The following L3MBTL4 variants were observed in gnomAD, a reference collection of about 807,000 sequenced individuals.
L3MBTL4 encodes the protein lethal(3)malignant brain tumor-like protein 4.
L3MBTL4 carries 70 observed loss-of-function variants against 84.5 expected under a neutral mutation model. The observed-to-expected ratio is 0.83, with a 90% confidence interval of 0.68 to 1.01. L3MBTL4 has a LOEUF of 1.01. Ranked by LOEUF, L3MBTL4 falls within the 50% of genes least tolerant of loss-of-function variation. The pLI is 0.00. For synonymous variants in L3MBTL4, 274 were observed against 259.8 expected, an observed-to-expected ratio of 1.05 and a Z score of -0.52; for missense variants, 715 against 754.8, an observed-to-expected ratio of 0.95 and a Z score of 0.62.
chr18:6,319,449 AT>A (rs2051291163), intron 1 of L3MBTL4, among the ~76,000 whole-genome samples: 1 of 152,132 alleles, frequency 6.6e-6, no homozygotes, highest in South Asian at 2.1e-4. Context: ...AAATGATGAC[AT>A]TACGACCAAA....
intron 14 of L3MBTL4, among the ~76,000 whole-genome samples, chr18:6,120,982 G>A (rs2144312200): frequency 6.6e-6 from 1 of 152,156 alleles, no homozygotes; most frequent in Admixed American, 6.5e-5. Context: ...CATATGACTA[G>A]GAATAGGATT....
At chr18:6,141,081 A>T (rs73381923) in intron 13 of L3MBTL4, among the ~76,000 whole-genome samples, 2,110 of 149,128 alleles carry the variant, frequency 0.014, 54 homozygotes, top group African/African-American at 0.049. Context: ...CTGAGCACTA[A>T]CTGTGTGCTC....
At chr18:6,230,699 T>A (rs761126516) in intron 10 of L3MBTL4, among the ~76,000 whole-genome samples, 1 of 152,158 alleles carries the variant, frequency 6.6e-6, no homozygotes, top group Middle Eastern at 3.2e-3. Flanking sequence ...CTAATTTACA[T>A]TCCCACCCGC....
intron 12 of L3MBTL4, among the ~76,000 whole-genome samples, chr18:6,192,503 G>C (rs185906642): frequency 4.9e-4 from 74 of 152,150 alleles, no homozygotes; most frequent in African/African-American, 1.7e-3. Flanking sequence ...ATATGTGTGA[G>C]TCCTAGAGTT....
intron 16 of L3MBTL4, among the ~76,000 whole-genome samples, chr18:5,992,727 T>C (rs978723722): frequency 6.6e-5 from 10 of 152,156 alleles, no homozygotes; most frequent in Admixed American, 6.5e-4. Flanking sequence ...ACTCTCTCCC[T>C]CTTGCTCCTG....
intron 16 of L3MBTL4, among the ~76,000 whole-genome samples, chr18:6,036,143 G>A (rs942331427): frequency 6.6e-5 from 10 of 152,284 alleles, no homozygotes; most frequent in Admixed American, 1.3e-4. Context: ...TTGAAAGTAC[G>A]ATTAGTGTTT....
chr18:6,241,542 G>T (rs759126563), intron 7 of L3MBTL4, 93 bp from the exon 8 acceptor site: 4 of 681,344 alleles, frequency 5.9e-6, no homozygotes, highest in African/African-American at 1.8e-5. Context: ...GTGCGGTTTT[G>T]GCCATTACTT....
At chr18:6,262,668 A>G (rs370460658) in intron 5 of L3MBTL4, among the ~76,000 whole-genome samples, 2 of 152,288 alleles carry the variant, frequency 1.3e-5, no homozygotes, top group East Asian at 3.9e-4. Flanking sequence ...AAAGCTCACA[A>G]AAGTAGATGG....
At chr18:6,404,580 G>A (rs1239695885) in intron 1 of L3MBTL4, among the ~76,000 whole-genome samples, 10 of 152,114 alleles carry the variant, frequency 6.6e-5, no homozygotes, top group South Asian at 2.1e-4. Flanking sequence ...TTTAACTATG[G>A]GGACCTTCAT....
intron 16 of L3MBTL4, among the ~76,000 whole-genome samples, chr18:6,034,968 G>C (rs1193256677): frequency 6.6e-6 from 1 of 151,184 alleles, no homozygotes; most frequent in African/African-American, 2.4e-5. Context: ...GTCTGTTCAT[G>C]TCCTTTGCCC....
intron 17 of L3MBTL4, among the ~76,000 whole-genome samples, chr18:5,961,184 A>G (rs7237547): frequency 0.37 from 56,289 of 152,060 alleles, 10,713 homozygotes; most frequent in East Asian, 0.51. Flanking sequence ...GTTTCACGGG[A>G]AAGGTTCTTG....
intron 4 of L3MBTL4, among the ~76,000 whole-genome samples, chr18:6,275,680 T>C (rs2146522429): frequency 6.6e-6 from 1 of 152,270 alleles, no homozygotes; most frequent in African/African-American, 2.4e-5. Flanking sequence ...AATCACGACA[T>C]TGCATTAATG....
At chr18:6,134,708 C>T (rs1240935103) in intron 14 of L3MBTL4, among the ~76,000 whole-genome samples, 2 of 152,200 alleles carry the variant, frequency 1.3e-5, no homozygotes, top group Non-Finnish European at 2.9e-5. Flanking sequence ...CAGGTGGGTT[C>T]CTATGGTCTT....
intron 16 of L3MBTL4, among the ~76,000 whole-genome samples, chr18:6,071,736 A>G (rs1272713680): frequency 8.2e-4 from 74 of 90,034 alleles, no homozygotes; most frequent in African/African-American, 2.2e-3. Flanking sequence ...AAGGAAAGAA[A>G]GAAGGAAGGA....
At chr18:6,067,118 A>T (rs1184201209) in intron 16 of L3MBTL4, among the ~76,000 whole-genome samples, 1 of 152,226 alleles carries the variant, frequency 6.6e-6, no homozygotes, top group Non-Finnish European at 1.5e-5. Context: ...GAAGCCAAAG[A>T]TAGGACCCCA....
At chr18:6,169,828 T>C (rs984805421) in intron 13 of L3MBTL4, among the ~76,000 whole-genome samples, 3 of 151,190 alleles carry the variant, frequency 2.0e-5, no homozygotes, top group South Asian at 2.1e-4. Flanking sequence ...TAAAGTATAA[T>C]AATAATAATA....
chr18:6,378,162 GTTGT>G (rs1279146709), intron 1 of L3MBTL4, among the ~76,000 whole-genome samples: 9 of 152,164 alleles, frequency 5.9e-5, no homozygotes, highest in South Asian at 2.1e-4. Flanking sequence ...TTTGGATGGG[GTTGT>G]TTGTTTTTTT....
At chr18:6,316,829 T>C (rs2051128946) in intron 1 of L3MBTL4, among the ~76,000 whole-genome samples, 1 of 152,082 alleles carries the variant, frequency 6.6e-6, no homozygotes, top group Admixed American at 6.5e-5. Context: ...CCTCAGTGTT[T>C]TTCACTGAAA....
At chr18:6,070,008 C>G (rs942137633) in intron 16 of L3MBTL4, among the ~76,000 whole-genome samples, 1 of 151,932 alleles carries the variant, frequency 6.6e-6, no homozygotes, top group Non-Finnish European at 1.5e-5. Flanking sequence ...AGAAAAATAT[C>G]CAGGCTGAAG....
Sources: gnomAD v4.1 joint callset for allele counts (sites outside exome capture counted in the v4.1 genomes callset) on GRCh38, gnomAD v4.1.1 for gene constraint, MANE v1.5 for transcripts, NCBI Gene and HGNC (gene_info 2026-07-23, HGNC 2026-07-21) for gene names.